LAMB4: variants seen among roughly 807,000 people sequenced by gnomAD.
LAMB4 encodes laminin subunit beta 4.
Under a neutral mutation model 199.2 loss-of-function variants are expected in LAMB4, and 196 were observed. That is an observed-to-expected ratio of 0.98 (90% CI 0.88 to 1.11). LAMB4 has a LOEUF of 1.11. LAMB4 is among the 50% of genes least tolerant of loss of function. The probability of loss-of-function intolerance (pLI) is 0.00; values close to 1 mark genes in which losing one functional copy is unlikely to be tolerated. For synonymous variants in LAMB4, 744 were observed against 770.6 expected (o/e 0.97, Z 0.57); for missense variants, 2,080 against 2,171.2 (o/e 0.96, Z 0.83).
At chr7:108,082,902 G>T (rs568656786) in intron 14 of LAMB4, among the ~76,000 whole-genome samples, 9 of 152,158 alleles carry the variant, frequency 5.9e-5, no homozygotes, top group Non-Finnish European at 1.3e-4. Context: ...TGCAGTCATT[G>T]GATGGATCAC....
chr7:108,074,964 T>C (rs535890589), intron 17 of LAMB4, among the ~76,000 whole-genome samples: 1 of 152,322 alleles, frequency 6.6e-6, no homozygotes, highest in African/African-American at 2.4e-5. Context: ...AAGAGTATGT[T>C]GGCTTTTATA....
Position 108,043,790 on chromosome 7 carries a change from A to G in LAMB4, c.4433T>C (p.Ile1478Thr), listed in dbSNP as rs1324966513. 4 of 1,597,422 alleles carry G rather than the reference A, an allele frequency of 2.5e-6. No homozygotes were observed. In the African/African-American group the frequency reaches 5.4e-5, roughly 22 times the overall value. Residue 1478 changes from isoleucine (I) to threonine (T), a missense_variant, in exon 29 of 34, where the codon ATC (isoleucine) becomes ACC (threonine). Ile to Thr is a moderately conservative substitution (Grantham distance 89, BLOSUM62 -1). Transcript: ENST00000388781. ...RNQSDSEEENINLFIKKVKNF... is the reference protein window; with the variant it reads ...RNQSDSEEENTNLFIKKVKNF... The stretch of plus-strand genomic sequence containing the variant: ...TTTCACTTTTTTGATGAAAAGATTG[A>G]TGTTTTCTTCTTCAGAGTCACTTTG...
Position 108,066,395 on chromosome 7 carries a change from G to T in LAMB4, c.2652C>A (p.Gly884=), listed in dbSNP as rs139874415. 6.2e-7 allele frequency: 1 copy of T among 1,613,860 alleles called. No homozygotes were observed. Among genetic ancestry groups the T allele is most frequent in the African/African-American group, 1.3e-5 (1 of 74,914 alleles). Residue 884 remains glycine (G), a synonymous_variant, in exon 20 of 34, where the codon GGC becomes GGA. Transcript: ENST00000388781. The part of the protein sequence containing the change: ...PETGSCFNCG[G]FTTGRNCERC... The stretch of plus-strand genomic sequence containing the variant: ...TTTCACAGTTTCTGCCAGTTGTAAA[G>T]CCTCCACAATTGAAGCATGACCCTG...
At position 108,069,896 on chromosome 7, in the gene LAMB4, A is replaced by T; in HGVS notation, c.2125-11T>A. On this transcript the variant is annotated splice_polypyrimidine_tract_variant and intron_variant, in intron 17 of 33. Coordinates refer to ENST00000388781, the MANE Select transcript of LAMB4 (RefSeq NM_007356.3). ...GGGAATAAGGCCAAGCTTTTGAAAG[A>T]ATGCAAAAAGACTTAACATTCAAAC... 1 of 1,603,306 alleles carries T rather than the reference A, an allele frequency of 6.2e-7. No individual in the cohort carries two copies. The highest frequency in any genetic ancestry group is 1.7e-5 in the Admixed American group (1 of 59,518).
At chr7:108,080,777 G>A (rs2036899815) in intron 14 of LAMB4, among the ~76,000 whole-genome samples, 1 of 151,696 alleles carries the variant, frequency 6.6e-6, no homozygotes, top group Non-Finnish European at 1.5e-5. Flanking sequence ...ATAGACAGAG[G>A]TATATGTAAA....
intron 4 of LAMB4, among the ~76,000 whole-genome samples, chr7:108,111,545 G>T (rs939930180): frequency 6.6e-6 from 1 of 152,180 alleles, no homozygotes; most frequent in Non-Finnish European, 1.5e-5. Context: ...AAGAACAAAA[G>T]GATGCAGAGA....
chr7:108,112,045 A>G (rs2038246775), intron 3 of LAMB4, 99 bp from the exon 4 acceptor site: 2 of 913,638 alleles, frequency 2.2e-6, no homozygotes, highest in African/African-American at 1.7e-5. Flanking sequence ...TGTCTTCCAA[A>G]CTGGCTAAAA....
intron 23 of LAMB4, among the ~76,000 whole-genome samples, chr7:108,058,398 A>G (rs1228819263): frequency 6.6e-6 from 1 of 152,166 alleles, no homozygotes; most frequent in Non-Finnish European, 1.5e-5. Context: ...TTTTTTTTGT[A>G]CTTCAGGCTT....
intron 2 of LAMB4, among the ~76,000 whole-genome samples, chr7:108,118,359 G>C (rs143935115): frequency 2.0e-5 from 3 of 152,184 alleles, no homozygotes; most frequent in Admixed American, 2.0e-4. Flanking sequence ...CGAAGGAATA[G>C]CTCTATTCAA....
intron 17 of LAMB4, among the ~76,000 whole-genome samples, chr7:108,072,962 C>G (rs1563067075): frequency 6.6e-6 from 1 of 152,168 alleles, no homozygotes; most frequent in Non-Finnish European, 1.5e-5. Context: ...GTTGGCCATT[C>G]TGGGAACTGA....
chr7:108,109,742 T>C (rs1344653454), intron 4 of LAMB4, among the ~76,000 whole-genome samples: 2 of 152,138 alleles, frequency 1.3e-5, no homozygotes, highest in Non-Finnish European at 1.5e-5. Flanking sequence ...ACCTGTGGGC[T>C]CCTCTGTGGC....
At chr7:108,038,783 T>G (rs149879443) in intron 29 of LAMB4, among the ~76,000 whole-genome samples, 1 of 152,234 alleles carries the variant, frequency 6.6e-6, no homozygotes, top group Non-Finnish European at 1.5e-5. Context: ...ACTCCTGTGT[T>G]ACAGCAAAGC....
At chr7:108,026,929 G>C (rs773238235) in intron 33 of LAMB4, 1 of 517,468 alleles carries the variant, frequency 1.9e-6, no homozygotes, top group Admixed American at 2.0e-5. Flanking sequence ...AAAAGGAAAA[G>C]AGAAAAGGCA....
At chr7:108,107,060 C>CA (rs891490507) in intron 6 of LAMB4, among the ~76,000 whole-genome samples, 1 of 152,166 alleles carries the variant, frequency 6.6e-6, no homozygotes, top group Non-Finnish European at 1.5e-5. Context: ...GCAGAAAAGT[C>CA]AAAAAGAGTG....
At chr7:108,034,562 G>GC (rs1255658324) in intron 30 of LAMB4, among the ~76,000 whole-genome samples, 2 of 152,088 alleles carry the variant, frequency 1.3e-5, no homozygotes, top group African/African-American at 4.8e-5. Context: ...TATATTCATA[G>GC]CCAGTGGATA....
intron 25 of LAMB4, among the ~76,000 whole-genome samples, 160 bp from the exon 26 acceptor site, chr7:108,052,417 G>A (rs1278609580): frequency 6.6e-6 from 1 of 152,034 alleles, no homozygotes; most frequent in Non-Finnish European, 1.5e-5. Flanking sequence ...TTGTGTTTAT[G>A]TCTCATCTCT....
chr7:108,083,561 A>T (rs2037041373), intron 14 of LAMB4, among the ~76,000 whole-genome samples: 1 of 152,122 alleles, frequency 6.6e-6, no homozygotes, highest in Non-Finnish European at 1.5e-5. Flanking sequence ...TACACAAACC[A>T]TACTATCTGG....
chr7:108,044,005 TA>T lies in LAMB4; in HGVS notation c.4327-110del, dbSNP rs1227182129. On this transcript the variant is annotated intron_variant, in intron 28 of 33. Coordinates refer to ENST00000388781, the MANE Select transcript of LAMB4 (RefSeq NM_007356.3). The stretch of plus-strand genomic sequence containing the variant: ...ACCAAATAAAACTGTCACTAAAAAC[TA>T]AATAAAAGTCTAGATAAACCATAGA... 4 of 870,210 alleles carry T rather than the reference TA, an allele frequency of 4.6e-6. No individual in the cohort carries two copies. In the East Asian group the frequency reaches 1.2e-4, roughly 25 times the overall value. The allele number at this position is 870,210 out of a possible 1,614,324, so 53.9% of individuals were successfully genotyped here. A position where few individuals can be genotyped will look rare whatever the true frequency, so the allele number is the denominator to read the frequency against.
In LAMB4 at chr7:108,066,409, A is replaced by G. The variant is rs774139254; in HGVS notation, c.2638T>C (p.Phe880Leu). ...CCAGTTGTAAAGCCTCCACAATTGA[A>G]GCATGACCCTGTCTCAGGATCACAA... ...ELCDPETGSC[F>L]NCGGFTTGRN... The change falls in exon 20 of 34, where the codon TTC (phenylalanine) becomes CTC (leucine). Residue 880 changes from phenylalanine to leucine, a missense_variant. Transcript: ENST00000388781. 1 of 1,614,188 alleles carries G rather than the reference A, an allele frequency of 6.2e-7. No homozygotes were observed. The highest frequency in any genetic ancestry group is 2.2e-5 in the East Asian group (1 of 44,888).
Sources: allele counts gnomAD v4.1 joint callset (sites outside exome capture counted in the v4.1 genomes callset), GRCh38; gene constraint gnomAD v4.1.1; transcripts MANE v1.5; gene names NCBI Gene and HGNC (gene_info 2026-07-23, HGNC 2026-07-21).